HTT: variants seen among roughly 807,000 people sequenced by gnomAD.
The protein encoded by HTT is huntington disease protein.
A neutral mutation model predicts 362.3 loss-of-function variants in HTT; 104 were observed. The ratio of observed to expected loss-of-function variants is 0.29; its 90% CI spans 0.24 to 0.34. HTT has a LOEUF of 0.34. Ranked by LOEUF, HTT falls within the 10% of genes least tolerant of loss-of-function variation. The probability of loss-of-function intolerance (pLI) is 1.00; values close to 1 mark genes in which losing one functional copy is unlikely to be tolerated. For missense variants in HTT, 3,301 were observed against 3,928.6 expected, an observed-to-expected ratio of 0.84 and a Z score of 4.27; for synonymous variants, 1,577 against 1,548.7, an observed-to-expected ratio of 1.02 and a Z score of -0.43.
chr4:3,238,668 G>A lies in HTT; in HGVS notation c.9054+59G>A, dbSNP rs980996033. On this transcript the variant is annotated intron_variant, in intron 65 of 66. Coordinates refer to ENST00000355072, the MANE Select transcript of HTT (RefSeq NM_001388492.1). ...AAAGCCTGGAGGTGGAGTTGCCTCC[G>A]ACTTCCCAGCAGATTCGCCAGCAGA... The A allele has an allele frequency of 1.2e-5, 19 of 1,522,186 alleles. No individual in the cohort carries two copies. In the South Asian group the frequency reaches 1.4e-4, roughly 11 times the overall value. 94.3% of individuals were successfully genotyped at this position (1,522,186 alleles called of 1,614,324 possible). A position where few individuals can be genotyped will look rare whatever the true frequency, so the allele number is the denominator to read the frequency against.
intron 3 of HTT, among the ~76,000 whole-genome samples, chr4:3,103,184 T>C (rs903698963): frequency 2.7e-5 from 4 of 150,894 alleles, no homozygotes; most frequent in African/African-American, 4.9e-5. Flanking sequence ...CCAGGGGCTT[T>C]AGGATTTATT....
rs757238419 is a variant in HTT at position 3,199,817 on chromosome 4, G to C, written c.5454G>C (p.Leu1818Phe). Reference sequence around the variant, plus strand: ...GCAGTTTCTACACCCTGGACAGCTTGAACTTGCGGGCTCGTTCCATGATCA... The same window carrying C: ...GCAGTTTCTACACCCTGGACAGCTTCAACTTGCGGGCTCGTTCCATGATCA... ...CGGSFYTLDS[L>F]NLRARSMITT... Residue 1818 changes from leucine (L) to phenylalanine (F), a missense_variant, in exon 41 of 67, where the codon TTG becomes TTC. Around this residue, in one of 4 missense-constraint regions of HTT, gnomAD observed 2,316 missense variants for 2,658.5 expected, o/e 0.87. Coordinates refer to ENST00000355072, the MANE Select transcript of HTT (RefSeq NM_001388492.1). 6.2e-7 allele frequency: 1 copy of C among 1,614,200 alleles called. No homozygotes were observed. Among genetic ancestry groups the C allele is most frequent in the Admixed American group, 1.7e-5 (1 of 60,026 alleles).
intron 29 of HTT, among the ~76,000 whole-genome samples, chr4:3,162,604 G>T (rs1717499221): frequency 6.6e-6 from 1 of 152,162 alleles, no homozygotes; most frequent in Admixed American, 6.5e-5. Flanking sequence ...ATTTCCTTGA[G>T]CAGTGGTTTG....
chr4:3,151,199 A>G (rs1716871164), intron 26 of HTT, among the ~76,000 whole-genome samples: 2 of 152,292 alleles, frequency 1.3e-5, no homozygotes, highest in South Asian at 4.1e-4. Context: ...GACATACCTG[A>G]GACATATAAA....
intron 29 of HTT, among the ~76,000 whole-genome samples, chr4:3,168,586 G>A (rs1477479410): frequency 6.6e-6 from 1 of 152,048 alleles, no homozygotes; most frequent in Non-Finnish European, 1.5e-5. Flanking sequence ...TAATTGAAAT[G>A]TATTATGCAT....
intron 41 of HTT, 54 bp downstream of exon 41, chr4:3,199,993 G>T (rs1223995061): frequency 2.7e-6 from 4 of 1,463,774 alleles, no homozygotes; most frequent in Non-Finnish European, 3.8e-6. Context: ...CCTGTCCTGA[G>T]ACTCCCAGTA....
At chr4:3,111,193 CTTTTTTT>C (rs1161560027) in intron 6 of HTT, among the ~76,000 whole-genome samples, 6 of 134,806 alleles carry the variant, frequency 4.5e-5, no homozygotes, top group Non-Finnish European at 9.7e-5. Context: ...ATTTTCTTTA[CTTTTTTT>C]TTTTTTTTTT....
chr4:3,138,188 TGCC>T (rs1716171080), intron 21 of HTT, among the ~76,000 whole-genome samples: 1 of 149,074 alleles, frequency 6.7e-6, no homozygotes, highest in Non-Finnish European at 1.5e-5. Context: ...CCCGCCTGCC[TGCC>T]TGCCTGCCTT....
At chr4:3,221,890 T>C (rs1301905673) in intron 53 of HTT, among the ~76,000 whole-genome samples, 2 of 152,254 alleles carry the variant, frequency 1.3e-5, no homozygotes, top group Non-Finnish European at 2.9e-5. Context: ...TTAGCAGCTT[T>C]ATTGAGGTAG....
At position 3,233,368 on chromosome 4, in the gene HTT, G is replaced by A; in HGVS notation, c.8456+15G>A. ...GGGATCGCCCAGTGAGTGGGAGCCT[G>A]GCTGGGGCTGGGGCGGGGGTCTCAG... On this transcript the variant is annotated intron_variant, in intron 61 of 66. Transcript: ENST00000355072. The A allele has an allele frequency of 6.3e-7, 1 of 1,582,590 alleles. No homozygotes were observed. Among genetic ancestry groups the A allele is most frequent in the Non-Finnish European group, 8.7e-7 (1 of 1,155,052 alleles).
intron 36 of HTT, among the ~76,000 whole-genome samples, chr4:3,181,023 T>TGA (rs1718501252): frequency 6.6e-6 from 1 of 151,898 alleles, no homozygotes; most frequent in Admixed American, 6.6e-5. Flanking sequence ...ATTACAGGCA[T>TGA]GCACCACCAT....
chr4:3,213,951 C>A lies in HTT; in HGVS notation c.6775-7C>A. 6.5e-7 allele frequency: 1 copy of A among 1,535,494 alleles called. No individual in the cohort carries two copies. Reference sequence around the variant, plus strand: ...TGGGCATTCTGTGACTCGGTACTTCCCTTTAGGCCCTGTCCTGGCATTTGA... The same window carrying A: ...TGGGCATTCTGTGACTCGGTACTTCACTTTAGGCCCTGTCCTGGCATTTGA... On this transcript the variant is annotated splice_polypyrimidine_tract_variant and splice_region_variant and intron_variant, in intron 49 of 66. Coordinates refer to ENST00000355072, the MANE Select transcript of HTT (RefSeq NM_001388492.1).
At chr4:3,199,678 G>A in intron 40 of HTT, 54 bp from the exon 41 acceptor site, 2 of 1,506,762 alleles carry the variant, frequency 1.3e-6, no homozygotes, top group Non-Finnish European at 9.2e-7. Flanking sequence ...GCGTAGCCAT[G>A]TGGCACTGGA....
At chr4:3,181,852 TG>T (rs973921032) in intron 36 of HTT, among the ~76,000 whole-genome samples, 1 of 152,186 alleles carries the variant, frequency 6.6e-6, no homozygotes, top group African/African-American at 2.4e-5. Context: ...TGGATATGTC[TG>T]TTTAGAAATG....
intron 29 of HTT, among the ~76,000 whole-genome samples, chr4:3,170,564 GCT>G (rs1180476302): frequency 1.3e-5 from 2 of 152,136 alleles, no homozygotes; most frequent in South Asian, 2.1e-4. Flanking sequence ...GATCTCCAGA[GCT>G]CTCTCTGTCT....
intron 23 of HTT, among the ~76,000 whole-genome samples, chr4:3,143,137 G>T (rs577337440): frequency 1.3e-5 from 2 of 152,194 alleles, no homozygotes; most frequent in East Asian, 3.9e-4. Flanking sequence ...AATTTAGGAA[G>T]ACACAACAAT....
At chr4:3,209,752 C>T in intron 46 of HTT, 75 bp from the exon 47 acceptor site, 1 of 1,577,752 alleles carries the variant, frequency 6.3e-7, no homozygotes, top group Non-Finnish European at 8.7e-7. Context: ...CTGGCCTAGG[C>T]CTGTAGCTCC....
intron 21 of HTT, among the ~76,000 whole-genome samples, chr4:3,140,117 C>G (rs1012459947): frequency 1.3e-5 from 2 of 151,948 alleles, no homozygotes; most frequent in Admixed American, 1.3e-4. Flanking sequence ...AAAAATTAGC[C>G]GGGCGCGGTG....
chr4:3,087,849 CTTT>C (rs892552756), intron 2 of HTT, among the ~76,000 whole-genome samples: 4 of 152,054 alleles, frequency 2.6e-5, no homozygotes, highest in Non-Finnish European at 4.4e-5. Flanking sequence ...TGTGGTGATT[CTTT>C]TTTTAATTTT....
Sources: allele counts gnomAD v4.1 joint callset (sites outside exome capture counted in the v4.1 genomes callset), GRCh38; gene constraint gnomAD v4.1.1; regional missense constraint gnomAD v4.1.1; transcripts MANE v1.5; gene names NCBI Gene and HGNC (gene_info 2026-07-23, HGNC 2026-07-21).